Variants in WHRN observed in about 807,000 individuals in gnomAD.
WHRN encodes the protein whirlin.
A neutral mutation model predicts 68.3 loss-of-function variants in WHRN; 41 were observed. That is an observed-to-expected ratio of 0.60 (90% confidence interval 0.47 to 0.78). The LOEUF (loss-of-function observed/expected upper bound fraction) is 0.78. Ranked by LOEUF, WHRN falls within the 30% of genes least tolerant of loss-of-function variation. WHRN has a pLI of 0.00. For missense variants in WHRN, 1,243 were observed against 1,244.7 expected (o/e 1.00, Z 0.02); for synonymous variants, 560 against 561.3 (o/e 1.00, Z 0.03).
intron 7 of WHRN, among the ~76,000 whole-genome samples, chr9:114,416,402 T>C (rs1360606505): frequency 6.6e-6 from 1 of 152,248 alleles, no homozygotes; most frequent in Admixed American, 6.5e-5. Context: ...TGTTGAATTG[T>C]AATCCCCAGT....
Position 114,403,339 on chromosome 9 carries a change from G to C in WHRN, c.2419C>G (p.Pro807Ala), listed in dbSNP as rs569112844. 5.6e-5 allele frequency: 91 copies of C among 1,613,898 alleles called. No individual in the cohort carries two copies. In the South Asian group the frequency reaches 9.9e-4, roughly 18 times the overall value. Residue 807 changes from proline to alanine, a missense_variant and splice_region_variant, in exon 11 of 12, where the codon CCT (proline) becomes GCT (alanine). By Grantham distance (27) the Pro-to-Ala change is conservative (BLOSUM62 -1). Coordinates refer to ENST00000362057, the MANE Select transcript of WHRN (RefSeq NM_015404.4). ...GTGGACGTGGGCTCCAGAAGTCCAG[G>C]CTGTGGGTATTAGGAAGGACACCAC... is the stretch of plus-strand genomic sequence containing the variant. Reference protein sequence around the residue: ...ERPTDGANKPPGLLEPTSTLV... With the variant: ...ERPTDGANKPAGLLEPTSTLV...
At chr9:114,476,909 C>T (rs1253130188) in intron 2 of WHRN, among the ~76,000 whole-genome samples, 2 of 152,192 alleles carry the variant, frequency 1.3e-5, no homozygotes, top group African/African-American at 4.8e-5. Flanking sequence ...TCACCCCATG[C>T]CCTGCATAGA....
At chr9:114,418,161 C>T (rs1268614625) in intron 7 of WHRN, among the ~76,000 whole-genome samples, 1 of 152,186 alleles carries the variant, frequency 6.6e-6, no homozygotes, top group East Asian at 1.9e-4. Flanking sequence ...TCCCCACCGG[C>T]AGGAAGGGTG....
chr9:114,460,366 C>T (rs1180179586), intron 3 of WHRN, among the ~76,000 whole-genome samples: 1 of 152,114 alleles, frequency 6.6e-6, no homozygotes, highest in Non-Finnish European at 1.5e-5. Flanking sequence ...ACAGGGCTAC[C>T]GGTAGGATGA....
At chr9:114,452,169 T>C (rs1022925063) in intron 3 of WHRN, among the ~76,000 whole-genome samples, 2 of 152,250 alleles carry the variant, frequency 1.3e-5, no homozygotes, top group Non-Finnish European at 2.9e-5. Context: ...TTTCCTGTTA[T>C]CACCACTACC....
At chr9:114,466,706 T>C (rs1468728568) in intron 2 of WHRN, among the ~76,000 whole-genome samples, 2 of 152,208 alleles carry the variant, frequency 1.3e-5, no homozygotes, top group African/African-American at 2.4e-5. Context: ...CTCAGACACT[T>C]TGCTCATGCT....
Position 114,504,541 on chromosome 9 carries a change from C to G in WHRN, c.261G>C (p.Lys87Asn), listed in dbSNP as rs776554852. ...GACGAAGCATGGGCAGCAGGCGCCG[C>G]TTGACCGGACTGTCCAGCAGCACGC... is the stretch of plus-strand genomic sequence containing the variant. ...TLRVLLDSPV[K>N]RRLLPMLRLV... The change falls in exon 1 of 12, where the codon AAG becomes AAC. Residue 87 changes from lysine (K) to asparagine (N), a missense_variant. Transcript: ENST00000362057. 6.2e-7 allele frequency: 1 copy of G among 1,610,850 alleles called. No homozygotes were observed. Among genetic ancestry groups the G allele is most frequent in the African/African-American group, 1.3e-5 (1 of 75,060 alleles).
rs114340310 is a variant in WHRN at position 114,472,433 on chromosome 9, C to T, written c.838-6041G>A. Among the ~76,000 whole-genome samples the T allele has an allele frequency of 5.0e-3, 766 of 152,318 alleles. 8 individuals are homozygous for T. The highest frequency in any genetic ancestry group is 0.017 in the African/African-American group (717 of 41,566). The stretch of plus-strand genomic sequence containing the variant: ...GCACTCTGCCCAGATAGGACGGATC[C>T]GTGTATGATCATTTCCTTGTCAGCT... On this transcript the variant is annotated intron_variant, in intron 2 of 11. Transcript: ENST00000362057.
intron 1 of WHRN, among the ~76,000 whole-genome samples, chr9:114,502,845 G>A (rs1385252686): frequency 6.6e-6 from 1 of 152,118 alleles, no homozygotes; most frequent in Admixed American, 6.5e-5. Context: ...CAAGGCTAAT[G>A]GACTACTTCT....
chr9:114,472,621 C>G (rs886393827), intron 2 of WHRN, among the ~76,000 whole-genome samples: 4 of 152,130 alleles, frequency 2.6e-5, no homozygotes, highest in Admixed American at 6.5e-5. Context: ...ACGGTCCCCC[C>G]ACAACACACT....
chr9:114,445,791 T>C (rs1343998362), intron 3 of WHRN, among the ~76,000 whole-genome samples: 3 of 152,188 alleles, frequency 2.0e-5, no homozygotes, highest in African/African-American at 7.2e-5. Context: ...CCTGCTGGCA[T>C]AGATAGGCTT....
At chr9:114,477,421 T>C (rs1439429263) in intron 2 of WHRN, among the ~76,000 whole-genome samples, 1 of 152,130 alleles carries the variant, frequency 6.6e-6, no homozygotes, top group African/African-American at 2.4e-5. Flanking sequence ...GGGTAAGATA[T>C]CAGGGACCAT....
At chr9:114,425,068 T>A (rs1836696137) in intron 4 of WHRN, 44 bp from the exon 5 acceptor site, 2 of 1,607,258 alleles carry the variant, frequency 1.2e-6, no homozygotes, top group East Asian at 4.5e-5. Flanking sequence ...TTTGAGCAGA[T>A]CAAATGGGCG....
chr9:114,485,019 G>A (rs1842370308), intron 1 of WHRN, among the ~76,000 whole-genome samples: 1 of 152,302 alleles, frequency 6.6e-6, no homozygotes, highest in East Asian at 1.9e-4. Flanking sequence ...GCAAGCATGG[G>A]GTGGACCTCA....
chr9:114,503,729 T>C (rs556045218), intron 1 of WHRN: 103 of 189,336 alleles, frequency 5.4e-4, no homozygotes, highest in Middle Eastern at 2.6e-3. Context: ...GTCAAGCCAG[T>C]GCACTGTGGA....
At chr9:114,484,613 G>A (rs182186917) in intron 1 of WHRN, among the ~76,000 whole-genome samples, 155 of 152,296 alleles carry the variant, frequency 1.0e-3, no homozygotes, top group Admixed American at 7.3e-3. Flanking sequence ...CTGTTATCAC[G>A]TGTTTACTGG....
intron 2 of WHRN, among the ~76,000 whole-genome samples, chr9:114,476,504 A>G (rs993498345): frequency 2.6e-5 from 4 of 151,990 alleles, no homozygotes; most frequent in African/African-American, 9.7e-5. Flanking sequence ...CACCTCAATC[A>G]AAACAGCCCG....
Position 114,406,601 on chromosome 9 carries a change from GC to G in WHRN, c.1989del (p.Arg663SerfsTer27). ...SVSPANPSSK[R>X]PLDAHLALVN... The stretch of plus-strand genomic sequence containing the variant: ...ACCAGGGCCAGATGGGCGTCCAGCG[GC>G]CTCTTGGAGCTGGGGTTGGCAGGGG... On this transcript the variant is annotated frameshift_variant, in exon 9 of 12. Coordinates refer to ENST00000362057, the MANE Select transcript of WHRN (RefSeq NM_015404.4). LOFTEE classifies it high-confidence loss of function. The G allele has an allele frequency of 6.2e-7, 1 of 1,610,842 alleles. No individual in the cohort carries two copies. The highest frequency in any genetic ancestry group is 1.7e-4 in the Middle Eastern group (1 of 6,044).
chr9:114,447,089 C>CA (rs1838888320), intron 3 of WHRN, among the ~76,000 whole-genome samples: 1 of 152,108 alleles, frequency 6.6e-6, no homozygotes, highest in African/African-American at 2.4e-5. Context: ...TTCACAGGGG[C>CA]AAAAATCATG....
Sources: allele counts gnomAD v4.1 joint callset (sites outside exome capture counted in the v4.1 genomes callset), GRCh38; gene constraint gnomAD v4.1.1; transcripts MANE v1.5; gene names NCBI Gene and HGNC (gene_info 2026-07-23, HGNC 2026-07-21).